Variants in TMEM132B observed in about 807,000 individuals in gnomAD.
The protein encoded by TMEM132B is transmembrane protein 132B.
Under a neutral mutation model 90.8 loss-of-function variants are expected in TMEM132B, and 18 were observed. That is an observed-to-expected ratio of 0.20 (90% CI 0.14 to 0.29). The LOEUF (loss-of-function observed/expected upper bound fraction) is 0.29. Among genes scored for constraint, TMEM132B ranks in the 10% least tolerant of loss-of-function variants. The pLI is 1.00. For missense variants in TMEM132B, 1,096 were observed against 1,326.8 expected, an observed-to-expected ratio of 0.83 and a Z score of 2.70; for synonymous variants, 504 against 523.3, an observed-to-expected ratio of 0.96 and a Z score of 0.50.
intron 1 of TMEM132B, among the ~76,000 whole-genome samples, chr12:125,340,276 T>C (rs1004745373): frequency 6.6e-6 from 1 of 152,170 alleles, no homozygotes; most frequent in African/African-American, 2.4e-5. Context: ...TCGAATTCAA[T>C]TAAAATAAAC....
chr12:125,255,066 G>A (rs751347533), intron 1 of TMEM132B, among the ~76,000 whole-genome samples: 6 of 152,246 alleles, frequency 3.9e-5, no homozygotes, highest in African/African-American at 4.8e-5. Context: ...GATGATATGC[G>A]TGGAAATGCG....
intron 1 of TMEM132B, among the ~76,000 whole-genome samples, chr12:125,210,549 T>C (rs147032135): frequency 1.3e-5 from 2 of 151,410 alleles, no homozygotes; most frequent in African/African-American, 4.9e-5. Flanking sequence ...GGCAGACTCA[T>C]GTGGGTAGTG....
Position 125,415,734 on chromosome 12 carries a change from A to G in TMEM132B, c.1106+57A>G. ...AGTGGGGAGGAGGGGAGTGGCTGCCAGAGCTGATAGCAAAATAATGTGCGT... is the reference window on the plus strand; with the variant it reads ...AGTGGGGAGGAGGGGAGTGGCTGCCGGAGCTGATAGCAAAATAATGTGCGT... On this transcript the variant is annotated intron_variant, in intron 3 of 8. Transcript: ENST00000682704. The surrounding 1 kb of genome is among the most constrained non-coding windows in gnomAD (Gnocchi z 5.3). 1.3e-6 allele frequency: 2 copies of G among 1,588,398 alleles called. No homozygotes were observed. The highest frequency in any genetic ancestry group is 1.7e-6 in the Non-Finnish European group (2 of 1,167,290).
chr12:125,521,540 G>A (rs953273327), intron 4 of TMEM132B, among the ~76,000 whole-genome samples: 15 of 152,230 alleles, frequency 9.9e-5, no homozygotes, highest in Non-Finnish European at 1.5e-4. Flanking sequence ...GAATGAAACA[G>A]ATGAGAAGCA....
chr12:125,647,940 A>G (rs1047045384), intron 6 of TMEM132B, among the ~76,000 whole-genome samples: 2 of 146,676 alleles, frequency 1.4e-5, no homozygotes, highest in South Asian at 4.4e-4. Context: ...TTTAGGGTAC[A>G]TGTGCACATT....
intron 2 of TMEM132B, among the ~76,000 whole-genome samples, chr12:125,388,177 C>T (rs959976883): frequency 5.3e-5 from 8 of 152,160 alleles, no homozygotes; most frequent in South Asian, 2.1e-4. Context: ...CCTATAATCC[C>T]GGCACTTTAG....
At chr12:125,348,115 T>C (rs1877421382) in intron 1 of TMEM132B, among the ~76,000 whole-genome samples, 1 of 123,024 alleles carries the variant, frequency 8.1e-6, no homozygotes. Context: ...TTTTACACTT[T>C]ATTTGTTTTT....
intron 1 of TMEM132B, among the ~76,000 whole-genome samples, chr12:125,333,255 C>G (rs1876848836): frequency 6.6e-6 from 1 of 152,130 alleles, no homozygotes; most frequent in African/African-American, 2.4e-5. Flanking sequence ...GGACGTCTGT[C>G]ATTGGTTTTA....
chr12:125,239,812 T>C (rs539042466), intron 1 of TMEM132B, among the ~76,000 whole-genome samples: 2 of 152,290 alleles, frequency 1.3e-5, no homozygotes, highest in South Asian at 4.1e-4. Context: ...TCATGGTTTG[T>C]TGGGGGGAAG....
chr12:125,354,083 A>T (rs1297444992), intron 2 of TMEM132B, among the ~76,000 whole-genome samples: 1 of 152,172 alleles, frequency 6.6e-6, no homozygotes, highest in Non-Finnish European at 1.5e-5. Context: ...ACCCACCAAG[A>T]TTTTAGATTC....
At chr12:125,467,232 T>C (rs1347233757) in intron 3 of TMEM132B, among the ~76,000 whole-genome samples, 2 of 152,030 alleles carry the variant, frequency 1.3e-5, no homozygotes, top group East Asian at 1.9e-4. Flanking sequence ...AGCTGAGAAA[T>C]TGAGACACAG....
intron 3 of TMEM132B, among the ~76,000 whole-genome samples, chr12:125,454,520 T>A (rs1284830838): frequency 6.6e-6 from 1 of 152,196 alleles, no homozygotes; most frequent in Non-Finnish European, 1.5e-5. Flanking sequence ...GCTTGGCCTC[T>A]TCAGTAATTT....
intron 1 of TMEM132B, among the ~76,000 whole-genome samples, chr12:125,303,209 T>G (rs1008507426): frequency 6.6e-6 from 1 of 152,220 alleles, no homozygotes; most frequent in African/African-American, 2.4e-5. Context: ...TAACTTTGCC[T>G]ATTCTAGATA....
intron 2 of TMEM132B, among the ~76,000 whole-genome samples, chr12:125,402,842 AC>A (rs1188348473): frequency 1.1e-4 from 16 of 152,266 alleles, no homozygotes; most frequent in African/African-American, 3.6e-4. Context: ...GTAATGAAGA[AC>A]CTATGGAAAA....
chr12:125,505,195 A>AAAAAAAAAAAC (rs1183847146), intron 3 of TMEM132B, among the ~76,000 whole-genome samples: 1 of 147,898 alleles, frequency 6.8e-6, no homozygotes, highest in Non-Finnish European at 1.5e-5. Flanking sequence ...AAAAAAAAAA[A>AAAAAAAAAAAC]CAGTAAGTGG....
intron 1 of TMEM132B, among the ~76,000 whole-genome samples, chr12:125,324,524 A>G (rs1012262147): frequency 6.6e-6 from 1 of 152,220 alleles, no homozygotes; most frequent in Non-Finnish European, 1.5e-5. Context: ...ACGGACTGGT[A>G]CTGGTCTGTG....
intron 3 of TMEM132B, among the ~76,000 whole-genome samples, chr12:125,453,278 TC>T (rs1411122524): frequency 2.0e-5 from 3 of 152,206 alleles, no homozygotes; most frequent in African/African-American, 7.2e-5. Context: ...CTCTTCTTTT[TC>T]CTTCTAGTTT....
At chr12:125,230,662 TTG>T (rs922829606) in intron 1 of TMEM132B, among the ~76,000 whole-genome samples, 1 of 151,098 alleles carries the variant, frequency 6.6e-6, no homozygotes, top group Non-Finnish European at 1.5e-5. Context: ...TGTGGTTTTT[TTG>T]TGTGTATTTT....
chr12:125,401,325 A>T (rs1211778939), intron 2 of TMEM132B, among the ~76,000 whole-genome samples: 1 of 152,198 alleles, frequency 6.6e-6, no homozygotes, highest in Non-Finnish European at 1.5e-5. Flanking sequence ...TTGGGCTTAT[A>T]TCTAGTGGGA....
Sources: gnomAD v4.1 joint callset for allele counts (sites outside exome capture counted in the v4.1 genomes callset) on GRCh38, gnomAD v4.1.1 for gene constraint, Gnocchi (gnomAD v3.1) non-coding constraint, MANE v1.5 for transcripts, NCBI Gene and HGNC (gene_info 2026-07-23, HGNC 2026-07-21) for gene names.